CTNNA2: variants seen among roughly 807,000 people sequenced by gnomAD.
The protein encoded by CTNNA2 is catenin alpha-2.
A neutral mutation model predicts 101.0 loss-of-function variants in CTNNA2; 42 were observed. The ratio of observed to expected loss-of-function variants is 0.42; its 90% CI spans 0.32 to 0.54. CTNNA2 has a LOEUF of 0.54. Ranked by LOEUF, CTNNA2 falls within the 20% of genes least tolerant of loss-of-function variation. The pLI is 0.14. For missense variants in CTNNA2, 871 were observed against 1,223.1 expected (o/e 0.71, Z 4.29); for synonymous variants, 450 against 456.4 (o/e 0.99, Z 0.18).
At chr2:79,876,000 A>ATT (rs151231096) in intron 6 of CTNNA2, among the ~76,000 whole-genome samples, 7,114 of 152,210 alleles carry the variant, frequency 0.047, 470 homozygotes, top group East Asian at 0.31. Flanking sequence ...ATTATTTCTT[A>ATT]TATCTGCTAG....
intron 11 of CTNNA2, among the ~76,000 whole-genome samples, chr2:80,549,165 C>G (rs971859076): frequency 1.3e-5 from 2 of 152,140 alleles, no homozygotes; most frequent in Non-Finnish European, 2.9e-5. Flanking sequence ...AACTTTTTCC[C>G]ACTTTGGAAA....
intron 7 of CTNNA2, among the ~76,000 whole-genome samples, chr2:79,949,214 T>C (rs1381948634): frequency 2.0e-5 from 3 of 152,172 alleles, no homozygotes; most frequent in Non-Finnish European, 4.4e-5. Flanking sequence ...ATATTTCATA[T>C]TGTAAGGAGC....
rs199732638 is a variant in CTNNA2, at chr2:80,140,487, T to C, written c.1056+230690T>C. 7.3e-4 allele frequency among the ~76,000 whole-genome samples: 110 copies of C among 151,236 alleles called. No homozygotes were observed. The East Asian group carries it at 0.02, about 28-fold the overall frequency. ...CTTAAGTCCATGGTGACAGAAGCTC[T>C]GTCCTATCCCTTCCCACCCATCCCT... On this transcript the variant is annotated intron_variant, in intron 7 of 18. Coordinates refer to ENST00000402739, the MANE Select transcript of CTNNA2 (RefSeq NM_001282597.3).
At chr2:80,522,192 T>G (rs1215250961) in intron 9 of CTNNA2, among the ~76,000 whole-genome samples, 1 of 152,172 alleles carries the variant, frequency 6.6e-6, no homozygotes, top group Non-Finnish European at 1.5e-5. Context: ...GGAGCTCTAC[T>G]CATTTGCAGA....
At chr2:80,121,071 C>T (rs1310532302) in intron 7 of CTNNA2, among the ~76,000 whole-genome samples, 1 of 152,170 alleles carries the variant, frequency 6.6e-6, no homozygotes, top group Non-Finnish European at 1.5e-5. Flanking sequence ...TGATGGAAGC[C>T]ATTTCCCAAT....
chr2:80,099,257 C>G (rs1199850046), intron 7 of CTNNA2, among the ~76,000 whole-genome samples: 1 of 151,956 alleles, frequency 6.6e-6, no homozygotes, highest in African/African-American at 2.4e-5. Flanking sequence ...TTACCATTTA[C>G]TAGCTGAGTT....
At chr2:79,377,939 G>T (rs997339130) in intron 4 of CTNNA2, among the ~76,000 whole-genome samples, 5 of 152,100 alleles carry the variant, frequency 3.3e-5, no homozygotes, top group African/African-American at 7.2e-5. Flanking sequence ...ACTGCGGCAG[G>T]CTAACTTTTT....
intron 7 of CTNNA2, among the ~76,000 whole-genome samples, chr2:80,115,171 G>A (rs992154527): frequency 2.6e-5 from 4 of 152,206 alleles, no homozygotes; most frequent in African/African-American, 4.8e-5. Flanking sequence ...TTCATGCTTT[G>A]TGAGCTGCCA....
chr2:79,782,386 G>A (rs929897003), intron 3 of CTNNA2, among the ~76,000 whole-genome samples: 10 of 151,914 alleles, frequency 6.6e-5, no homozygotes, highest in South Asian at 2.1e-4. Flanking sequence ...ACAGGTGCGC[G>A]CCACCATGCC....
chr2:80,169,622 G>C (rs966186235), intron 7 of CTNNA2, among the ~76,000 whole-genome samples: 1 of 152,108 alleles, frequency 6.6e-6, no homozygotes, highest in Non-Finnish European at 1.5e-5. Flanking sequence ...TGGGTAGGAG[G>C]TGTTGGCCTG....
intron 1 of CTNNA2, among the ~76,000 whole-genome samples, chr2:79,560,653 A>G (rs1225602961): frequency 6.6e-6 from 1 of 151,946 alleles, no homozygotes; most frequent in African/African-American, 2.4e-5. Flanking sequence ...TTCCTAGAAA[A>G]AGCAGATTTC....
chr2:80,575,561 A>G (rs139468362), intron 13 of CTNNA2, among the ~76,000 whole-genome samples: 1,812 of 152,212 alleles, frequency 0.012, 25 homozygotes, highest in Non-Finnish European at 0.016. Flanking sequence ...AAGAAATTAG[A>G]TCATTTTTGT....
intron 7 of CTNNA2, among the ~76,000 whole-genome samples, chr2:80,004,076 G>A (rs1222564226): frequency 6.6e-6 from 1 of 152,062 alleles, no homozygotes; most frequent in Non-Finnish European, 1.5e-5. Flanking sequence ...TACTAAAACT[G>A]GTGAGAAAAT....
intron 7 of CTNNA2, among the ~76,000 whole-genome samples, chr2:80,053,553 C>CATTATCATT (rs1324522738): frequency 4.6e-5 from 7 of 152,196 alleles, no homozygotes; most frequent in Non-Finnish European, 1.0e-4. Flanking sequence ...TGACGCCTTT[C>CATTATCATT]GTTATCATTG....
intron 7 of CTNNA2, among the ~76,000 whole-genome samples, chr2:80,296,632 C>T (rs1425636563): frequency 1.3e-5 from 2 of 152,168 alleles, no homozygotes; most frequent in Non-Finnish European, 2.9e-5. Flanking sequence ...TAAGACCATT[C>T]CTTGTAAAGC....
chr2:79,186,975 T>C lies in CTNNA2; in HGVS notation c.-524+1544T>C, dbSNP rs561026014. ...CTGCATTTCTACCTCTTTTATACAA[T>C]GCAACCTTCTATTTTTTGAAACCTG... On this transcript the variant is annotated intron_variant, in intron 1 of 21. Coordinates refer to the CTNNA2 transcript ENST00000466387. 3.7e-4 allele frequency among the ~76,000 whole-genome samples: 56 copies of C among 152,310 alleles called. No homozygotes were observed. In the South Asian group the frequency reaches 0.011, roughly 31 times the overall value.
chr2:79,700,768 C>T (rs1684952125), intron 2 of CTNNA2, among the ~76,000 whole-genome samples: 1 of 152,124 alleles, frequency 6.6e-6, no homozygotes, highest in Non-Finnish European at 1.5e-5. Context: ...GGCAGCATTC[C>T]TTCTTATCTC....
At chr2:80,548,519 G>T (rs1692291272) in intron 11 of CTNNA2, among the ~76,000 whole-genome samples, 1 of 151,956 alleles carries the variant, frequency 6.6e-6, no homozygotes, top group African/African-American at 2.4e-5. Context: ...ATTCCTTTGT[G>T]CATCTCATTA....
intron 3 of CTNNA2, among the ~76,000 whole-genome samples, chr2:79,339,410 G>A (rs1364460992): frequency 6.6e-6 from 1 of 152,166 alleles, no homozygotes; most frequent in African/African-American, 2.4e-5. Flanking sequence ...GTCACCATAA[G>A]TGCCTGATAT....
Sources: gnomAD v4.1 joint callset for allele counts (sites outside exome capture counted in the v4.1 genomes callset) on GRCh38, gnomAD v4.1.1 for gene constraint, MANE v1.5 for transcripts, NCBI Gene and HGNC (gene_info 2026-07-23, HGNC 2026-07-21) for gene names.